The following ITFG1 variants were observed in gnomAD, a reference collection of about 807,000 sequenced individuals.
The protein encoded by ITFG1 is T-cell immunomodulatory protein.
Under a neutral mutation model 81.8 loss-of-function variants are expected in ITFG1, and 34 were observed. The observed-to-expected ratio is 0.42, with a 90% CI of 0.32 to 0.55. The LOEUF is 0.55. Ranked by LOEUF, ITFG1 falls within the 20% of genes least tolerant of loss-of-function variation. The probability of loss-of-function intolerance (pLI) is 0.17; values close to 1 mark genes in which losing one functional copy is unlikely to be tolerated. For missense variants in ITFG1, 672 were observed against 755.4 expected (o/e 0.89, Z 1.29); for synonymous variants, 285 against 270.6 (o/e 1.05, Z -0.52).
chr16:47,290,970 C>T (rs1966897953), intron 10 of ITFG1, among the ~76,000 whole-genome samples: 1 of 151,756 alleles, frequency 6.6e-6, no homozygotes, highest in South Asian at 2.1e-4. Context: ...CTTTTAATAT[C>T]TGTTCTATTA....
chr16:47,370,831 A>G (rs1968243913), intron 7 of ITFG1, among the ~76,000 whole-genome samples: 1 of 152,200 alleles, frequency 6.6e-6, no homozygotes, highest in Non-Finnish European at 1.5e-5. Flanking sequence ...ACTTGAGCAG[A>G]GGCCCCACCA....
chr16:47,424,939 G>A (rs7192537), intron 6 of ITFG1, among the ~76,000 whole-genome samples: 12,047 of 152,138 alleles, frequency 0.079, 869 homozygotes, highest in African/African-American at 0.19. Flanking sequence ...GAGTTGGAAC[G>A]CCACGCTGAG....
At chr16:47,209,168 T>C (rs1965535219) in intron 14 of ITFG1, among the ~76,000 whole-genome samples, 1 of 152,220 alleles carries the variant, frequency 6.6e-6, no homozygotes, top group South Asian at 2.1e-4. Flanking sequence ...ATATTTCTTT[T>C]ATAGATTTGA....
intron 6 of ITFG1, among the ~76,000 whole-genome samples, chr16:47,419,070 T>A (rs1968908601): frequency 6.6e-6 from 1 of 152,200 alleles, no homozygotes; most frequent in Non-Finnish European, 1.5e-5. Context: ...TGTTGAACCA[T>A]CCTTGTATTT....
chr16:47,461,174 C>T (rs1004077155), upstream of ITFG1: 24 of 1,020,612 alleles, frequency 2.4e-5, no homozygotes, highest in Non-Finnish European at 3.3e-5. Context: ...GCTCCTTTTT[C>T]TCTCTCCCAC....
intron 14 of ITFG1, among the ~76,000 whole-genome samples, chr16:47,184,935 T>G (rs1965190471): frequency 6.6e-6 from 1 of 151,398 alleles, no homozygotes. Context: ...TGGAGGAAGA[T>G]CTACCAAGCA....
chr16:47,450,153 C>T (rs1300078906), intron 5 of ITFG1: 2 of 169,296 alleles, frequency 1.2e-5, no homozygotes, highest in Non-Finnish European at 2.6e-5. Context: ...CTGCACCCCA[C>T]CTGCACTCAA....
rs140319646 is a variant in ITFG1, at chr16:47,174,472, T to C, written c.1454-11808A>G. The stretch of plus-strand genomic sequence containing the variant: ...GAACATGAGTGTGTGTGCGCGTGTA[T>C]GTGTTTTTCTCTGAGTCAACATAAC... On this transcript the variant is annotated intron_variant, in intron 14 of 17. Coordinates refer to ENST00000320640, the MANE Select transcript of ITFG1 (RefSeq NM_030790.5). Among the ~76,000 whole-genome samples the C allele has an allele frequency of 2.0e-5, 3 of 152,308 alleles. No individual in the cohort carries two copies. In the East Asian group the frequency reaches 5.8e-4, roughly 29 times the overall value.
At chr16:47,258,385 G>A (rs544205348) in intron 12 of ITFG1, among the ~76,000 whole-genome samples, 3 of 152,194 alleles carry the variant, frequency 2.0e-5, no homozygotes. Context: ...GATTGAAGAA[G>A]TCTGAAAAGA....
At chr16:47,155,831 G>C (rs1964695573) in intron 17 of ITFG1, 53 bp from the exon 18 acceptor site, 1 of 1,306,922 alleles carries the variant, frequency 7.7e-7, no homozygotes, top group Admixed American at 1.9e-5. Context: ...GTTATGAAAA[G>C]ACTCATTTCT....
chr16:47,220,439 T>C (rs1203906977), intron 13 of ITFG1, among the ~76,000 whole-genome samples: 1 of 152,204 alleles, frequency 6.6e-6, no homozygotes, highest in Non-Finnish European at 1.5e-5. Flanking sequence ...TTCTTGAAAA[T>C]GGACAGAGTG....
intron 14 of ITFG1, among the ~76,000 whole-genome samples, chr16:47,168,814 T>C (rs944461154): frequency 6.6e-6 from 1 of 152,210 alleles, no homozygotes; most frequent in African/African-American, 2.4e-5. Context: ...AATGCAGATC[T>C]ACTTCTATGT....
rs112342131 is a variant in ITFG1 at position 47,326,657 on chromosome 16, A to T, written c.803-12834T>A. Reference sequence around the variant, plus strand: ...GATACAAAATCAATGTGCAAAAATCACAAGCATTCTTATACACCAAAAACA... The same window carrying T: ...GATACAAAATCAATGTGCAAAAATCTCAAGCATTCTTATACACCAAAAACA... On this transcript the variant is annotated intron_variant, in intron 8 of 17. Coordinates refer to ENST00000320640, the MANE Select transcript of ITFG1 (RefSeq NM_030790.5). Among the ~76,000 whole-genome samples, 59 of 152,346 alleles carry T rather than the reference A, an allele frequency of 3.9e-4. 1 individual carries two copies. Among genetic ancestry groups the T allele is most frequent in the African/African-American group, 1.2e-3 (49 of 41,584 alleles).
chr16:47,329,291 T>C (rs763347854), intron 8 of ITFG1, among the ~76,000 whole-genome samples: 4 of 152,172 alleles, frequency 2.6e-5, no homozygotes, highest in Non-Finnish European at 5.9e-5. Flanking sequence ...GGAAAGATAC[T>C]GCTTTCAGGA....
At chr16:47,391,127 C>T (rs1185062605) in intron 6 of ITFG1, among the ~76,000 whole-genome samples, 6 of 151,944 alleles carry the variant, frequency 3.9e-5, no homozygotes, top group African/African-American at 1.5e-4. Flanking sequence ...GGAGAACCCA[C>T]AAGCAGAGGC....
intron 10 of ITFG1, among the ~76,000 whole-genome samples, chr16:47,267,749 G>A (rs1305185874): frequency 6.6e-6 from 1 of 152,016 alleles, no homozygotes; most frequent in East Asian, 1.9e-4. Flanking sequence ...AGCAATAACA[G>A]TTATTTCAAA....
intron 12 of ITFG1, among the ~76,000 whole-genome samples, chr16:47,250,251 CAT>C (rs1966055031): frequency 1.3e-5 from 2 of 151,950 alleles, no homozygotes; most frequent in Non-Finnish European, 2.9e-5. Context: ...ATTGTAAAAT[CAT>C]ATGCTCTTTG....
chr16:47,221,692 G>A (rs1167207758), intron 13 of ITFG1, among the ~76,000 whole-genome samples: 1 of 152,092 alleles, frequency 6.6e-6, no homozygotes, highest in Non-Finnish European at 1.5e-5. Context: ...GGTAGAATTC[G>A]GCTGTGAATC....
At chr16:47,278,862 G>T (rs1165157702) in intron 10 of ITFG1, among the ~76,000 whole-genome samples, 1 of 152,122 alleles carries the variant, frequency 6.6e-6, no homozygotes, top group Non-Finnish European at 1.5e-5. Flanking sequence ...TACAATTTAT[G>T]ATAAGGGAAT....
Sources: allele counts gnomAD v4.1 joint callset (sites outside exome capture counted in the v4.1 genomes callset), GRCh38; gene constraint gnomAD v4.1.1; transcripts MANE v1.5; gene names NCBI Gene and HGNC (gene_info 2026-07-23, HGNC 2026-07-21).